SFI1: variants seen among roughly 807,000 people sequenced by gnomAD.
SFI1 encodes the protein protein SFI1 homolog.
Under a neutral mutation model 207.5 loss-of-function variants are expected in SFI1, and 195 were observed. The ratio of observed to expected loss-of-function variants is 0.94; its 90% CI spans 0.84 to 1.06. The LOEUF is 1.06. Among genes scored for constraint, SFI1 ranks in the 50% least tolerant of loss-of-function variants. The pLI, the probability that SFI1 is intolerant of heterozygous loss-of-function variation, is 0.00. For synonymous variants in SFI1, 630 were observed against 598.9 expected (o/e 1.05, Z -0.76); for missense variants, 1,634 against 1,588.0 (o/e 1.03, Z -0.49).
At chr22:31,559,387 C>T (rs2148223281) in intron 7 of SFI1, 1 of 305,194 alleles carries the variant, frequency 3.3e-6, no homozygotes, top group Admixed American at 4.6e-5. Flanking sequence ...TGTGCCACTC[C>T]ACTGCACCCT....
At chr22:31,547,033 T>G in intron 5 of SFI1, 62 bp downstream of exon 5, 1 of 1,264,380 alleles carries the variant, frequency 7.9e-7, no homozygotes, top group Middle Eastern at 1.9e-4. Context: ...GATTATTTGT[T>G]GGCGTGTTTA....
At chr22:31,612,019 C>G in intron 24 of SFI1, 179 bp downstream of exon 24, 6 of 1,404,528 alleles carry the variant, frequency 4.3e-6, no homozygotes, top group Non-Finnish European at 5.6e-6. Flanking sequence ...TTCCTTCCGT[C>G]TGCAGTCTGC....
At chr22:31,573,347 G>A in intron 9 of SFI1, 133 bp downstream of exon 9, 1 of 746,046 alleles carries the variant, frequency 1.3e-6, no homozygotes, top group African/African-American at 1.8e-5. Context: ...AGATTAAGGA[G>A]GAAAATACAT....
In SFI1 at chr22:31,578,781, A is replaced by G. The variant is rs1165441463; in HGVS notation, c.1155+329A>G. On this transcript the variant is annotated intron_variant, in intron 11 of 32. Transcript: ENST00000400288. ...AGCCATGCTGTGGTTGAAGCACGTC[A>G]GGGAGTCCGTCCCTGTTCTACCTGC... 3.3e-5 allele frequency among the ~76,000 whole-genome samples: 5 copies of G among 152,178 alleles called. No homozygotes were observed. The East Asian group carries it at 9.6e-4, about 29-fold the overall frequency.
chr22:31,518,357 T>A (rs1248508126), intron 2 of SFI1, among the ~76,000 whole-genome samples: 1 of 152,162 alleles, frequency 6.6e-6, no homozygotes, highest in African/African-American at 2.4e-5. Flanking sequence ...AAAACTGACA[T>A]CTGTATTGTA....
At position 31,613,365 on chromosome 22, in the gene SFI1, G is replaced by A. The variant is rs775724143; in HGVS notation, c.2577G>A (p.Thr859=). ...AFSLQAKVWA[T]WLAFVLERRR... is the part of the protein sequence containing the mutation. ...TGCCCTCCCTGGAGGTGTGGGCCACGTGGCTGGCCTTTGTACTGGAAAGGA... is the reference window on the plus strand; with the variant it reads ...TGCCCTCCCTGGAGGTGTGGGCCACATGGCTGGCCTTTGTACTGGAAAGGA... Residue 859 remains threonine, a synonymous_variant, in exon 26 of 33, where the codon ACG becomes ACA. Coordinates refer to ENST00000400288, the MANE Select transcript of SFI1 (RefSeq NM_001007467.3). 2.2e-5 allele frequency: 35 copies of A among 1,608,472 alleles called. No individual in the cohort carries two copies. The East Asian group carries it at 2.2e-4, about 10-fold the overall frequency.
At chr22:31,515,255 C>T (rs1227118375) in intron 2 of SFI1, among the ~76,000 whole-genome samples, 2 of 152,080 alleles carry the variant, frequency 1.3e-5, no homozygotes, top group African/African-American at 4.8e-5. Context: ...CTCTTGCTGG[C>T]AGTGTATGAA....
At position 31,616,928 on chromosome 22, in the gene SFI1, C is replaced by G. The variant is rs370569385; in HGVS notation, c.3433+51C>G. On this transcript the variant is annotated intron_variant, in intron 30 of 32. Coordinates refer to ENST00000400288, the MANE Select transcript of SFI1 (RefSeq NM_001007467.3). ...AGAAAGCACTCAGGCCACTCCCGGACCTGGGACTTGCTATTTACCCTGGTC... is the reference window on the plus strand; with the variant it reads ...AGAAAGCACTCAGGCCACTCCCGGAGCTGGGACTTGCTATTTACCCTGGTC... The G allele has an allele frequency of 4.3e-6, 7 of 1,612,118 alleles. No homozygotes were observed. The African/African-American group carries it at 9.4e-5, about 22-fold the overall frequency.
chr22:31,530,296 C>G (rs762083936), intron 3 of SFI1, among the ~76,000 whole-genome samples: 2 of 148,450 alleles, frequency 1.3e-5, no homozygotes, highest in South Asian at 4.3e-4. Context: ...CGAGACCATC[C>G]TGGCTAACAT....
chr22:31,578,315 C>G, intron 10 of SFI1, 67 bp from the exon 11 acceptor site: 1 of 1,472,804 alleles, frequency 6.8e-7, no homozygotes, highest in East Asian at 2.4e-5. Flanking sequence ...TTCAAGGTGG[C>G]TTGCTGAGAA....
intron 21 of SFI1, chr22:31,606,833 G>C (rs1202410318): frequency 6.1e-6 from 1 of 163,248 alleles, no homozygotes; most frequent in Non-Finnish European, 1.3e-5. Flanking sequence ...GAGTAGCTGG[G>C]ACTACAGGCT....
At chr22:31,610,331 A>G (rs2069866146) in intron 22 of SFI1, among the ~76,000 whole-genome samples, 1 of 152,104 alleles carries the variant, frequency 6.6e-6, no homozygotes, top group African/African-American at 2.4e-5. Context: ...AACAGTGCCT[A>G]CCTCTTGGGG....
chr22:31,572,956 C>T, intron 8 of SFI1, 102 bp from the exon 9 acceptor site: 1 of 1,210,706 alleles, frequency 8.3e-7, no homozygotes, highest in Non-Finnish European at 1.2e-6. Context: ...TTTCTAATTT[C>T]AGCCTTTCCA....
chr22:31,592,767 G>C (rs1479222255), intron 15 of SFI1, among the ~76,000 whole-genome samples: 2 of 96,280 alleles, frequency 2.1e-5, no homozygotes, highest in African/African-American at 4.6e-5. Flanking sequence ...GGGCAGAGGC[G>C]CCCCTCACCT....
In SFI1 at chr22:31,608,002, C is replaced by T; in HGVS notation, c.2223C>T (p.Ala741=). ...ATTACCGACAGCAGGAGGACTGTGC[C>T]ATCTGGGAGGCCCAGAAGGTGCTGG... The part of the protein sequence containing the change: ...QMYYRQQEDC[A]IWEAQKVLDR... The change falls in exon 22 of 33, where the codon GCC becomes GCT. Residue 741 remains alanine, a synonymous_variant. Transcript: ENST00000400288. The T allele has an allele frequency of 1.2e-6, 2 of 1,613,924 alleles. No individual in the cohort carries two copies. Among genetic ancestry groups the T allele is most frequent in the Non-Finnish European group, 1.7e-6 (2 of 1,179,886 alleles).
chr22:31,500,974 A>AT (rs2053666357), intron 1 of SFI1, among the ~76,000 whole-genome samples: 1 of 144,516 alleles, frequency 6.9e-6, no homozygotes, highest in African/African-American at 2.6e-5. Context: ...TAATTTTTGT[A>AT]TTTTTAGTAG....
chr22:31,593,306 A>G (rs897121956), intron 15 of SFI1, among the ~76,000 whole-genome samples: 56 of 124,496 alleles, frequency 4.5e-4, no homozygotes, highest in African/African-American at 1.7e-3. Context: ...GACGCTCCTC[A>G]CCTCCCAGAC....
At chr22:31,528,619 A>G (rs1019522723) in intron 2 of SFI1, 71 bp from the exon 3 acceptor site, 9 of 1,391,382 alleles carry the variant, frequency 6.5e-6, no homozygotes, top group South Asian at 1.3e-5. Context: ...TTGCTTGTAT[A>G]TTAAAAGTAT....
intron 22 of SFI1, among the ~76,000 whole-genome samples, chr22:31,609,635 T>C (rs2069706840): frequency 2.6e-5 from 4 of 152,230 alleles, no homozygotes; most frequent in Admixed American, 2.6e-4. Flanking sequence ...TTAATGAGCA[T>C]GTTTCAACAC....
Sources: gnomAD v4.1 joint callset for allele counts (sites outside exome capture counted in the v4.1 genomes callset) on GRCh38, gnomAD v4.1.1 for gene constraint, MANE v1.5 for transcripts, NCBI Gene and HGNC (gene_info 2026-07-23, HGNC 2026-07-21) for gene names.